MDN1: variants seen among roughly 807,000 people sequenced by gnomAD.
MDN1 encodes the protein midasin.
Under a neutral mutation model 669.2 loss-of-function variants are expected in MDN1, and 266 were observed. The observed-to-expected ratio is 0.40, with a 90% CI of 0.36 to 0.44. The LOEUF is 0.44. MDN1 is among the 20% of genes least tolerant of loss of function. The pLI, the probability that MDN1 is intolerant of heterozygous loss-of-function variation, is 1.00. For missense variants in MDN1, 5,940 were observed against 6,754.0 expected, an observed-to-expected ratio of 0.88 and a Z score of 4.22; for synonymous variants, 2,385 against 2,457.1, an observed-to-expected ratio of 0.97 and a Z score of 0.87.
intron 27 of MDN1, among the ~76,000 whole-genome samples, chr6:89,746,300 G>C (rs571895042): frequency 6.6e-6 from 1 of 152,178 alleles, no homozygotes; most frequent in African/African-American, 2.4e-5. Context: ...CACTAAAAAA[G>C]TTTGCCGGGC....
rs547860753 is a variant in MDN1 at position 89,781,606 on chromosome 6, A to G, written c.1450-14T>C. 66 of 1,526,116 alleles carry G rather than the reference A, an allele frequency of 4.3e-5. No individual in the cohort carries two copies. The South Asian group carries it at 4.9e-4, about 11-fold the overall frequency. The allele number at this position is 1,526,116 out of a possible 1,614,324, so 94.5% of individuals were successfully genotyped here. ...GCTCTGAAGAACCTGACAGAGGGGG[A>G]AAAAAAAGAAAATTTAACAGCCAGC... is the stretch of plus-strand genomic sequence containing the variant. On this transcript the variant is annotated splice_polypyrimidine_tract_variant and intron_variant, in intron 9 of 101. Coordinates refer to ENST00000369393, the MANE Select transcript of MDN1 (RefSeq NM_014611.3).
intron 97 of MDN1, 62 bp from the exon 98 acceptor site, chr6:89,648,391 A>G (rs1020651052): frequency 6.7e-7 from 1 of 1,496,988 alleles, no homozygotes; most frequent in Non-Finnish European, 9.3e-7. Context: ...GAGCCTCTCA[A>G]CTATTTTTTG....
chr6:89,810,012 A>ATAAAT (rs1562242822), intron 1 of MDN1, among the ~76,000 whole-genome samples: 12 of 147,516 alleles, frequency 8.1e-5, no homozygotes, highest in Non-Finnish European at 1.7e-4. Flanking sequence ...AAAAAAAAAA[A>ATAAAT]AAAAAAAAAA....
At chr6:89,740,202 T>C in intron 32 of MDN1, 32 bp downstream of exon 32, 1 of 1,607,412 alleles carries the variant, frequency 6.2e-7, no homozygotes, top group Non-Finnish European at 8.5e-7. Context: ...GGTCAAAACC[T>C]AGAAAGAAAA....
chr6:89,670,814 C>T, intron 83 of MDN1, 105 bp downstream of exon 83: 1 of 1,252,840 alleles, frequency 8.0e-7, no homozygotes, highest in Non-Finnish European at 1.1e-6. Context: ...TCACATCCTG[C>T]TATTTGTGGT....
intron 9 of MDN1, among the ~76,000 whole-genome samples, chr6:89,784,751 T>G (rs1466844619): frequency 6.7e-6 from 1 of 149,772 alleles, no homozygotes; most frequent in African/African-American, 2.4e-5. Context: ...GAGGAATTAC[T>G]GTTCATTTTA....
rs528534568 is a variant in MDN1, at chr6:89,744,832, G to A, written c.4178+441C>T. Among the ~76,000 whole-genome samples, 538 of 152,172 alleles carry A rather than the reference G, an allele frequency of 3.5e-3. 6 individuals carry two copies. Among genetic ancestry groups the A allele is most frequent in the Non-Finnish European group, 3.3e-3 (227 of 67,988 alleles). ...CAGAAAGTCAAGGCTGCAGTGAGCC[G>A]TATCGCACCACTGCACTCCAGCCTG... On this transcript the variant is annotated intron_variant, in intron 29 of 101. Transcript: ENST00000369393.
chr6:89,810,149 A>C (rs1441747703), intron 1 of MDN1, among the ~76,000 whole-genome samples: 1 of 152,032 alleles, frequency 6.6e-6, no homozygotes, highest in African/African-American at 2.4e-5. Context: ...CTTAAAAAAA[A>C]ACAAGGCCGG....
intron 46 of MDN1, among the ~76,000 whole-genome samples, 183 bp downstream of exon 46, chr6:89,714,360 G>A (rs1204036296): frequency 6.6e-6 from 1 of 152,168 alleles, no homozygotes; most frequent in East Asian, 1.9e-4. Context: ...TGATTCCTGT[G>A]CCTTGCCCTG....
At chr6:89,721,018 G>A (rs530877495) in intron 40 of MDN1, among the ~76,000 whole-genome samples, 57 of 152,278 alleles carry the variant, frequency 3.7e-4, no homozygotes, top group Admixed American at 2.4e-3. Flanking sequence ...TGTGCCTATA[G>A]TCCCAGCTTA....
chr6:89,797,604 A>G, intron 2 of MDN1: 2 of 427,558 alleles, frequency 4.7e-6, no homozygotes, highest in Non-Finnish European at 4.7e-6. Context: ...ATTTGCTGCC[A>G]TGGGATTCGT....
chr6:89,744,413 T>TCCAAAAA (rs1404747353), intron 29 of MDN1, among the ~76,000 whole-genome samples: 2 of 151,254 alleles, frequency 1.3e-5, no homozygotes, highest in Non-Finnish European at 1.5e-5. Context: ...AGACTCCATC[T>TCCAAAAA]TTTTTTTAGT....
chr6:89,767,671 G>A (rs187720271), intron 15 of MDN1, among the ~76,000 whole-genome samples: 43 of 152,022 alleles, frequency 2.8e-4, no homozygotes, highest in African/African-American at 9.4e-4. Context: ...CAGGAGAATC[G>A]CTTGAACCAA....
At chr6:89,756,472 C>T in intron 19 of MDN1, 82 bp from the exon 20 acceptor site, 1 of 659,666 alleles carries the variant, frequency 1.5e-6, no homozygotes, top group Non-Finnish European at 2.6e-6. Flanking sequence ...ACAGAAGAAG[C>T]TATGTCAGCT....
intron 76 of MDN1, among the ~76,000 whole-genome samples, chr6:89,676,906 G>A (rs1811230403): frequency 6.7e-6 from 1 of 149,676 alleles, no homozygotes; most frequent in South Asian, 2.1e-4. Context: ...TAACATATTA[G>A]AACTTATGAG....
At chr6:89,782,333 C>T (rs1818715488) in intron 9 of MDN1, among the ~76,000 whole-genome samples, 1 of 152,182 alleles carries the variant, frequency 6.6e-6, no homozygotes, top group Admixed American at 6.5e-5. Context: ...CAGTGGATCA[C>T]ACCTGCAATC....
intron 33 of MDN1, 40 bp from the exon 34 acceptor site, chr6:89,732,815 G>C (rs139439059): frequency 6.3e-7 from 1 of 1,586,942 alleles, no homozygotes; most frequent in African/African-American, 1.3e-5. Context: ...CTGTTAACGG[G>C]AGATCCCAGA....
chr6:89,689,199 A>C (rs1285263450), intron 65 of MDN1, among the ~76,000 whole-genome samples: 3 of 152,198 alleles, frequency 2.0e-5, no homozygotes, highest in Admixed American at 6.5e-5. Flanking sequence ...AATGAATGCT[A>C]TTCTCCCCTA....
intron 79 of MDN1, among the ~76,000 whole-genome samples, chr6:89,673,896 C>T (rs535114517): frequency 2.6e-5 from 4 of 152,178 alleles, no homozygotes; most frequent in South Asian, 4.1e-4. Flanking sequence ...CTTTTGCTAA[C>T]GCTGTTTCCG....
Sources: allele counts gnomAD v4.1 joint callset (sites outside exome capture counted in the v4.1 genomes callset), GRCh38; gene constraint gnomAD v4.1.1; transcripts MANE v1.5; gene names NCBI Gene and HGNC (gene_info 2026-07-23, HGNC 2026-07-21).